Variants in DIS3L2 observed in about 807,000 individuals in gnomAD.
The protein encoded by DIS3L2 is DIS3-like exonuclease 2.
DIS3L2 carries 34 observed loss-of-function variants against 97.5 expected under a neutral mutation model. The observed-to-expected ratio is 0.35, with a 90% CI of 0.27 to 0.46. The LOEUF (loss-of-function observed/expected upper bound fraction) is 0.46, where lower values mean the gene tolerates loss of function less well. Ranked by LOEUF, DIS3L2 falls within the 20% of genes least tolerant of loss-of-function variation. The pLI, the probability that DIS3L2 is intolerant of heterozygous loss-of-function variation, is 1.00. For synonymous variants in DIS3L2, 435 were observed against 445.2 expected (o/e 0.98, Z 0.29); for missense variants, 1,038 against 1,146.0 (o/e 0.91, Z 1.36).
rs774490217 is a variant in DIS3L2, at chr2:232,336,532, A to T, written c.2560A>T (p.Ser854Cys). The change falls in exon 21 of 21, where the codon AGC (serine) becomes TGC (cysteine). Residue 854 changes from serine to cysteine, a missense_variant. This residue lies in a region of DIS3L2 where 221 missense variants were observed against 246.9 expected (regional missense o/e 0.90). Transcript: ENST00000325385. ...GGCAGAGTCCACAGCCCTCAAGTAC[A>T]GCGCCATCCTGAAGCGGCCAGGCAC... ...LQAESTALKYSAILKRPGTQG... is the reference protein window; with the variant it reads ...LQAESTALKYCAILKRPGTQG... 1.2e-6 allele frequency: 2 copies of T among 1,610,692 alleles called. No homozygotes were observed. Among genetic ancestry groups the T allele is most frequent in the Non-Finnish European group, 1.7e-6 (2 of 1,179,920 alleles).
rs1014964832 is a variant in DIS3L2, at chr2:232,261,956, G to A, written c.1426-1251G>A. ...ATAGCATTGTTATGAGAATTAAATA[G>A]TTGCCATATGGAGAGTGTGAACAAT... On this transcript the variant is annotated intron_variant, in intron 12 of 20. Transcript: ENST00000325385. 4.6e-5 allele frequency among the ~76,000 whole-genome samples: 7 copies of A among 152,148 alleles called. No individual in the cohort carries two copies. The East Asian group carries it at 1.3e-3, about 29-fold the overall frequency.
intron 11 of DIS3L2, among the ~76,000 whole-genome samples, chr2:232,241,716 C>T (rs1399820871): frequency 6.6e-6 from 1 of 152,200 alleles, no homozygotes; most frequent in East Asian, 1.9e-4. Context: ...GTCTGTCTTT[C>T]TCAGAAGGAC....
At chr2:232,216,239 C>T (rs1159459742) in intron 10 of DIS3L2, among the ~76,000 whole-genome samples, 1 of 152,244 alleles carries the variant, frequency 6.6e-6, no homozygotes, top group Non-Finnish European at 1.5e-5. Flanking sequence ...AGCCTCAGTT[C>T]ACTAAGCATC....
chr2:232,266,387 C>T (rs1693859174), intron 13 of DIS3L2, among the ~76,000 whole-genome samples: 1 of 152,158 alleles, frequency 6.6e-6, no homozygotes, highest in African/African-American at 2.4e-5. Context: ...GCCCTGTGTT[C>T]ACTTTGCCTT....
At chr2:232,327,189 A>G (rs7587113) in intron 14 of DIS3L2, among the ~76,000 whole-genome samples, 17,431 of 152,092 alleles carry the variant, frequency 0.11, 1,393 homozygotes, top group African/African-American at 0.23. Context: ...ACCAGGGGCC[A>G]CCTCACACAG....
At chr2:232,099,098 C>G (rs1014468961) in intron 6 of DIS3L2, among the ~76,000 whole-genome samples, 4 of 152,262 alleles carry the variant, frequency 2.6e-5, no homozygotes, top group Admixed American at 2.6e-4. Flanking sequence ...TCTTCTAAGT[C>G]TATTTCTGAT....
At chr2:232,294,260 C>T (rs1694670611) in intron 13 of DIS3L2, among the ~76,000 whole-genome samples, 1 of 152,212 alleles carries the variant, frequency 6.6e-6, no homozygotes, top group Non-Finnish European at 1.5e-5. Context: ...AGCCCTGGAG[C>T]TAGAGGTTGG....
At chr2:232,328,708 C>G (rs1030823159) in intron 14 of DIS3L2, 1 of 152,378 alleles carries the variant, frequency 6.6e-6, no homozygotes, top group Non-Finnish European at 1.5e-5. Flanking sequence ...CAGAGTCCCC[C>G]CAGGCTGGTC....
chr2:232,296,106 T>C (rs1694720060), intron 13 of DIS3L2, among the ~76,000 whole-genome samples: 1 of 152,196 alleles, frequency 6.6e-6, no homozygotes, highest in Non-Finnish European at 1.5e-5. Flanking sequence ...ATCCGCAATC[T>C]CAGATTGAAC....
intron 1 of DIS3L2, among the ~76,000 whole-genome samples, chr2:231,980,669 A>G (rs191241791): frequency 9.9e-5 from 15 of 152,090 alleles, no homozygotes; most frequent in East Asian, 9.7e-4. Flanking sequence ...TTGCACTCCA[A>G]CCTGGGTGAC....
intron 9 of DIS3L2, among the ~76,000 whole-genome samples, chr2:232,197,528 A>G (rs1691787085): frequency 6.6e-6 from 1 of 152,162 alleles, no homozygotes; most frequent in African/African-American, 2.4e-5. Context: ...CAGGTTGAGG[A>G]TGGGAAGTTT....
intron 5 of DIS3L2, among the ~76,000 whole-genome samples, chr2:232,080,300 TC>T: frequency 6.6e-6 from 1 of 152,230 alleles, no homozygotes; most frequent in Middle Eastern, 3.4e-3. Context: ...GATCAAGGGT[TC>T]TCTTGTTTGA....
chr2:232,230,421 C>T (rs1255478932), intron 10 of DIS3L2, among the ~76,000 whole-genome samples: 2 of 152,210 alleles, frequency 1.3e-5, no homozygotes, highest in African/African-American at 4.8e-5. Context: ...TTGGATTACC[C>T]TTTCTGAGCT....
chr2:232,143,083 T>TGGCTGAGAACACTAATC (rs1184219705), intron 8 of DIS3L2, among the ~76,000 whole-genome samples: 2 of 152,194 alleles, frequency 1.3e-5, no homozygotes, highest in Non-Finnish European at 2.9e-5. Context: ...AGATGATGAA[T>TGGCTGAGAACACTAATC]GGCTGAGAAC....
intron 14 of DIS3L2, among the ~76,000 whole-genome samples, chr2:232,320,608 A>T (rs1460053571): frequency 1.3e-5 from 2 of 152,186 alleles, no homozygotes; most frequent in Non-Finnish European, 2.9e-5. Context: ...CAACAGTGAT[A>T]AGCTGAAGGG....
rs1691998820 is a variant in DIS3L2 at position 232,205,238 on chromosome 2, A to AT, written c.1125-5088_1125-5087insT. 4.9e-5 allele frequency among the ~76,000 whole-genome samples: 7 copies of AT among 144,234 alleles called. No homozygotes were observed. In the South Asian group the frequency reaches 6.8e-4, roughly 14 times the overall value. 94.6% of individuals were successfully genotyped at this position (144,234 alleles called of 152,430 possible). ...TATATATATATATATATATATATAT[A>AT]AAATGCAGTGAATTTTTTGTTGTTG... On this transcript the variant is annotated intron_variant, in intron 9 of 20. Coordinates refer to ENST00000325385, the MANE Select transcript of DIS3L2 (RefSeq NM_152383.5).
chr2:232,272,938 A>C (rs1694044757), intron 13 of DIS3L2, among the ~76,000 whole-genome samples: 1 of 152,034 alleles, frequency 6.6e-6, no homozygotes, highest in East Asian at 1.9e-4. Flanking sequence ...CCACTTCTAG[A>C]AGCATTTCAC....
At chr2:232,136,362 G>T (rs1458332587) in intron 7 of DIS3L2, 110 bp from the exon 8 acceptor site, 11 of 1,413,134 alleles carry the variant, frequency 7.8e-6, no homozygotes, top group Non-Finnish European at 1.1e-5. Context: ...TTTTGACCTA[G>T]AAAAACTGCT....
intron 8 of DIS3L2, 143 bp from the exon 9 acceptor site, chr2:232,163,316 G>T: frequency 1.3e-6 from 1 of 743,562 alleles, no homozygotes; most frequent in Non-Finnish European, 2.1e-6. Context: ...CCCATTGCCA[G>T]TGATTTACGG....
Sources: allele counts gnomAD v4.1 joint callset (sites outside exome capture counted in the v4.1 genomes callset), GRCh38; gene constraint gnomAD v4.1.1; regional missense constraint gnomAD v4.1.1; transcripts MANE v1.5; gene names NCBI Gene and HGNC (gene_info 2026-07-23, HGNC 2026-07-21).